The following PLEKHH1 variants were observed in gnomAD, a reference collection of about 807,000 sequenced individuals.
PLEKHH1 encodes pleckstrin homology, MyTH4 and FERM domain containing H1, also known as pleckstrin homology domain-containing family H member 1.
In PLEKHH1, 104 loss-of-function variants were observed where a neutral mutation model predicts 160.0. That is an observed-to-expected ratio of 0.65 (90% confidence interval 0.55 to 0.76). The LOEUF is 0.76. Ranked by LOEUF, PLEKHH1 falls within the 30% of genes least tolerant of loss-of-function variation. PLEKHH1 has a pLI of 0.00. For synonymous variants in PLEKHH1, 619 were observed against 678.4 expected (o/e 0.91, Z 1.36); for missense variants, 1,427 against 1,724.1 (o/e 0.83, Z 3.05).
intron 7 of PLEKHH1, among the ~76,000 whole-genome samples, chr14:67,564,196 T>C (rs948672434): frequency 6.6e-6 from 1 of 152,076 alleles, no homozygotes; most frequent in Non-Finnish European, 1.5e-5. Flanking sequence ...AGAGTCGGGG[T>C]TTCACCATGT....
Position 67,586,057 on chromosome 14 carries a change from G to C in PLEKHH1, c.3893G>C (p.Ser1298Thr), listed in dbSNP as rs944988207. Residue 1298 changes from serine to threonine, a missense_variant, in exon 28 of 29, where the codon AGC becomes ACC. Physicochemically the swap from Ser to Thr is moderately conservative, Grantham distance 58. Transcript: ENST00000329153. ...ATCCCAGACAAGAGCTCTGGAAAAA[G>C]CCACATTGAGAAGTTGATCTTCCGG... ...RSIPDKSSGK[S>T]HIEKLIFRMA... The C allele has an allele frequency of 6.2e-7, 1 of 1,613,984 alleles. No individual in the cohort carries two copies. Among genetic ancestry groups the C allele is most frequent in the Non-Finnish European group, 8.5e-7 (1 of 1,179,884 alleles).
At chr14:67,565,356 ACCCCAGCCTTCT>A (rs2035039194) in intron 7 of PLEKHH1, among the ~76,000 whole-genome samples, 1 of 151,958 alleles carries the variant, frequency 6.6e-6, no homozygotes, top group Non-Finnish European at 1.5e-5. Context: ...GGATCTTTCC[ACCCCAGCCTTCT>A]GAGCAGCTGG....
intron 1 of PLEKHH1, among the ~76,000 whole-genome samples, chr14:67,535,171 A>T (rs1214854656): frequency 1.3e-5 from 2 of 152,196 alleles, no homozygotes; most frequent in East Asian, 1.9e-4. Flanking sequence ...ATGCCTGTAG[A>T]TGCTCTGAAT....
At chr14:67,583,705 G>T in intron 24 of PLEKHH1, 36 bp from the exon 25 acceptor site, 1 of 1,579,392 alleles carries the variant, frequency 6.3e-7, no homozygotes, top group South Asian at 1.1e-5. Context: ...TCCACTGTCA[G>T]ATTTTGACTG....
intron 3 of PLEKHH1, among the ~76,000 whole-genome samples, chr14:67,556,122 T>TG (rs1234993105): frequency 6.6e-6 from 1 of 152,236 alleles, no homozygotes; most frequent in Admixed American, 6.5e-5. Flanking sequence ...AAATTAAGTC[T>TG]GAAGTCTCAG....
chr14:67,560,787 A>G (rs1011663053), intron 5 of PLEKHH1, among the ~76,000 whole-genome samples: 4 of 149,102 alleles, frequency 2.7e-5, no homozygotes, highest in African/African-American at 1.0e-4. Flanking sequence ...CTGGAGTGCA[A>G]TGGCACAATA....
chr14:67,581,287 C>A (rs559754310), intron 23 of PLEKHH1, among the ~76,000 whole-genome samples: 1 of 152,028 alleles, frequency 6.6e-6, no homozygotes, highest in East Asian at 1.9e-4. Flanking sequence ...CACACACACA[C>A]ACACACACAC....
In PLEKHH1 at chr14:67,577,345, C is replaced by CG. The variant is rs954991247; in HGVS notation, c.2507dup (p.Leu837ProfsTer11). On this transcript the variant is annotated frameshift_variant, in exon 18 of 29. Coordinates refer to ENST00000329153, the MANE Select transcript of PLEKHH1 (RefSeq NM_020715.3). LOFTEE classifies it high-confidence loss of function. ...ACCCCATGCTGTGCTACAGCAAAGA[C>CG]GGCCTATACGCCTCCCTCACCACCC... The CG allele has an allele frequency of 3.2e-6, 5 of 1,585,158 alleles. No homozygotes were observed. In the African/African-American group the frequency reaches 6.7e-5, roughly 21 times the overall value.
In PLEKHH1 at chr14:67,582,196, GC is replaced by G. The variant is rs1253912684; in HGVS notation, c.3415del (p.Leu1139Ter). The G allele has an allele frequency of 3.1e-6, 5 of 1,613,618 alleles. No homozygotes were observed. The highest frequency in any genetic ancestry group is 4.2e-6 in the Non-Finnish European group (5 of 1,179,848). Reference sequence around the variant, plus strand: ...CAAGGAATTGGCTCTTGAGATGGCTGCCCTGATGGCCCAGGTAAGGTTCTGT... The same window carrying G: ...CAAGGAATTGGCTCTTGAGATGGCTGCCTGATGGCCCAGGTAAGGTTCTGT... ...INKELALEMAALMAQVEYGDL... is the reference protein window; with the variant it reads ...INKELALEMAXLMAQVEYGDL... On this transcript the variant is annotated frameshift_variant, in exon 24 of 29. Transcript: ENST00000329153. LOFTEE classifies it high-confidence loss of function. The surrounding 1 kb of genome is among the most constrained non-coding windows in gnomAD (Gnocchi z 5.0).
At chr14:67,556,942 C>T (rs1301254221) in intron 3 of PLEKHH1, among the ~76,000 whole-genome samples, 1 of 152,084 alleles carries the variant, frequency 6.6e-6, no homozygotes, top group African/African-American at 2.4e-5. Flanking sequence ...GTTTGTCCTG[C>T]CCAACTCATT....
In PLEKHH1 at chr14:67,573,496, G is replaced by T; in HGVS notation, c.1839+110G>T. The stretch of plus-strand genomic sequence containing the variant: ...ATGTGGCCCAAGGCCAGAGGGCAAA[G>T]GTCTGGCAGGTGGGGAGAGGCAACC... On this transcript the variant is annotated intron_variant, in intron 12 of 28. Coordinates refer to ENST00000329153, the MANE Select transcript of PLEKHH1 (RefSeq NM_020715.3). The surrounding 1 kb of genome is among the most constrained non-coding windows in gnomAD (Gnocchi z 4.8). 1.3e-6 allele frequency: 1 copy of T among 766,540 alleles called. No individual in the cohort carries two copies. Among genetic ancestry groups the T allele is most frequent in the Non-Finnish European group, 2.2e-6 (1 of 464,432 alleles). 47.5% of individuals were successfully genotyped at this position (766,540 alleles called of 1,614,324 possible).
At chr14:67,540,525 C>T (rs2033922619) in intron 1 of PLEKHH1, among the ~76,000 whole-genome samples, 1 of 151,386 alleles carries the variant, frequency 6.6e-6, no homozygotes, top group South Asian at 2.1e-4. Flanking sequence ...TCTCAGGAGG[C>T]TGAGGCATGA....
At chr14:67,586,504 A>C in intron 28 of PLEKHH1, 1 of 928,766 alleles carries the variant, frequency 1.1e-6, no homozygotes, top group Non-Finnish European at 1.5e-6. Context: ...ATTAGCTACA[A>C]AGTGGGACAG....
intron 27 of PLEKHH1, 30 bp downstream of exon 27, chr14:67,585,684 C>A: frequency 7.1e-7 from 1 of 1,407,294 alleles, no homozygotes; most frequent in Non-Finnish European, 9.8e-7. Context: ...GCTCCCTGAC[C>A]CCTCCTCTTC....
chr14:67,546,772 A>T (rs2034198543), intron 2 of PLEKHH1, among the ~76,000 whole-genome samples: 1 of 152,188 alleles, frequency 6.6e-6, no homozygotes, highest in South Asian at 2.1e-4. Context: ...AGGCCAAGGT[A>T]GGAGGATCGC....
intron 8 of PLEKHH1, 55 bp from the exon 9 acceptor site, chr14:67,569,866 C>T: frequency 1.7e-6 from 2 of 1,145,016 alleles, no homozygotes; most frequent in Non-Finnish European, 1.3e-6. Flanking sequence ...GCTTCCCCCA[C>T]ACCCCTTCCT....
chr14:67,557,437 G>A lies in PLEKHH1; in HGVS notation c.339+19G>A. ...GAAGCAGGTAAGGGCTCATGCGCAA[G>A]GGAGCACCATGCCCTCTTCGACATC... On this transcript the variant is annotated intron_variant, in intron 4 of 28. Coordinates refer to ENST00000329153, the MANE Select transcript of PLEKHH1 (RefSeq NM_020715.3). 6.2e-7 allele frequency: 1 copy of A among 1,609,670 alleles called. No individual in the cohort carries two copies. Among genetic ancestry groups the A allele is most frequent in the Non-Finnish European group, 8.5e-7 (1 of 1,178,756 alleles).
In PLEKHH1 at chr14:67,578,157, G is replaced by A; in HGVS notation, c.2709G>A (p.Lys903=). 6.2e-7 allele frequency: 1 copy of A among 1,614,002 alleles called. No homozygotes were observed. The highest frequency in any genetic ancestry group is 1.3e-5 in the African/African-American group (1 of 75,048). The part of the protein sequence containing the change: ...LQSEIYCQLM[K]QTSCRPPQKY... ...GTGAGATCTACTGCCAACTCATGAA[G>A]CAGACCAGCTGCCGCCCACCTCAGA... The change falls in exon 19 of 29, where the codon AAG becomes AAA. Residue 903 remains lysine, a synonymous_variant. Coordinates refer to ENST00000329153, the MANE Select transcript of PLEKHH1 (RefSeq NM_020715.3). The surrounding 1 kb of genome is among the most constrained non-coding windows in gnomAD (Gnocchi z 5.0).
At chr14:67,541,795 CTTAT>C in intron 1 of PLEKHH1, 35 bp from the exon 2 acceptor site, 1 of 1,379,582 alleles carries the variant, frequency 7.2e-7, no homozygotes, top group South Asian at 1.4e-5. Context: ...TCCTCACACG[CTTAT>C]TTATCTTTTC....
Sources: gnomAD v4.1 joint callset for allele counts (sites outside exome capture counted in the v4.1 genomes callset) on GRCh38, gnomAD v4.1.1 for gene constraint, Gnocchi (gnomAD v3.1) non-coding constraint, MANE v1.5 for transcripts, NCBI Gene and HGNC (gene_info 2026-07-23, HGNC 2026-07-21) for gene names.